KBTBD12: variants seen among roughly 807,000 people sequenced by gnomAD.
The protein encoded by KBTBD12 is kelch repeat and BTB domain-containing protein 12.
KBTBD12 carries 53 observed loss-of-function variants against 58.7 expected under a neutral mutation model. The observed-to-expected ratio is 0.90, with a 90% CI of 0.72 to 1.14. The LOEUF is 1.14. Ranked by LOEUF, KBTBD12 falls within the 50% of genes most tolerant of loss-of-function variation. The probability of loss-of-function intolerance (pLI) is 0.00; values close to 1 mark genes in which losing one functional copy is unlikely to be tolerated. For missense variants in KBTBD12, 704 were observed against 751.3 expected (o/e 0.94, Z 0.74); for synonymous variants, 236 against 259.8 (o/e 0.91, Z 0.88).
At chr3:127,938,900 A>T (rs1057480049) in intron 4 of KBTBD12, among the ~76,000 whole-genome samples, 1 of 152,204 alleles carries the variant, frequency 6.6e-6, no homozygotes, top group African/African-American at 2.4e-5. Context: ...AGAAGTAGGT[A>T]CATCAAGAAA....
intron 5 of KBTBD12, among the ~76,000 whole-genome samples, chr3:127,967,786 G>C (rs1246452787): frequency 6.6e-6 from 1 of 152,234 alleles, no homozygotes; most frequent in Non-Finnish European, 1.5e-5. Flanking sequence ...AATAACAAGA[G>C]AGTATTAAGA....
intron 1 of KBTBD12, among the ~76,000 whole-genome samples, chr3:127,916,424 A>T (rs1010499637): frequency 1.3e-5 from 2 of 152,208 alleles, no homozygotes; most frequent in African/African-American, 4.8e-5. Flanking sequence ...ACTGGGGGTC[A>T]CAAACTTAAA....
intron 5 of KBTBD12, among the ~76,000 whole-genome samples, chr3:127,980,519 G>A (rs1197073812): frequency 2.0e-5 from 3 of 151,964 alleles, no homozygotes; most frequent in South Asian, 2.1e-4. Flanking sequence ...CAGTAGAGAC[G>A]GGATTTCACC....
chr3:127,921,854 C>T (rs527238436), intron 1 of KBTBD12, among the ~76,000 whole-genome samples: 130 of 152,212 alleles, frequency 8.5e-4, no homozygotes, highest in Middle Eastern at 3.4e-3. Flanking sequence ...AAAACAGGAC[C>T]ATTTCACTTC....
At chr3:127,953,032 T>A (rs146685145) in intron 4 of KBTBD12, among the ~76,000 whole-genome samples, 71 of 152,344 alleles carry the variant, frequency 4.7e-4, no homozygotes, top group Non-Finnish European at 7.5e-4. Context: ...CTAAATCTGT[T>A]TTCTTTATTC....
In KBTBD12 at chr3:127,984,151, A is replaced by G; in HGVS notation, c.1745A>G (p.Gln582Arg). The G allele has an allele frequency of 1.2e-6, 2 of 1,613,922 alleles. No individual in the cohort carries two copies. The highest frequency in any genetic ancestry group is 1.7e-6 in the Non-Finnish European group (2 of 1,179,830). The change falls in exon 6 of 6, where the codon CAG (glutamine) becomes CGG (arginine). Residue 582 changes from glutamine (Q) to arginine (R), a missense_variant. Coordinates refer to ENST00000405109, the MANE Select transcript of KBTBD12 (RefSeq NM_207335.4). ...TTGGAACTGGACCCATGGGAAAACC[A>G]GTGGAATGTTGTAGCCATCAACGTC... ...EILELDPWEN[Q>R]WNVVAINVLM... is the part of the protein sequence containing the mutation.
chr3:127,920,219 ATACT>A (rs1939364446), intron 1 of KBTBD12, among the ~76,000 whole-genome samples: 1 of 152,222 alleles, frequency 6.6e-6, no homozygotes, highest in African/African-American at 2.4e-5. Flanking sequence ...CCAAATGCTC[ATACT>A]TACTTTGTTG....
Position 127,928,049 on chromosome 3 carries a change from T to C in KBTBD12, c.1341+15T>C, listed in dbSNP as rs774250576. The C allele has an allele frequency of 9.3e-6, 15 of 1,607,926 alleles. No homozygotes were observed. Among genetic ancestry groups the C allele is most frequent in the South Asian group, 5.5e-5 (5 of 90,918 alleles). On this transcript the variant is annotated intron_variant, in intron 3 of 5. Transcript: ENST00000405109. ...GGACCCCTCAGGTTAAGAAATTTCCTGTATACATAATTGGCATGGCTATAC... is the reference window on the plus strand; with the variant it reads ...GGACCCCTCAGGTTAAGAAATTTCCCGTATACATAATTGGCATGGCTATAC...
At chr3:127,929,275 C>T (rs1186480915) in intron 3 of KBTBD12, among the ~76,000 whole-genome samples, 5 of 152,098 alleles carry the variant, frequency 3.3e-5, no homozygotes, top group African/African-American at 9.7e-5. Context: ...CAGGGTTGTG[C>T]GTGTGCCATG....
At chr3:127,951,004 G>A (rs558483789) in intron 4 of KBTBD12, among the ~76,000 whole-genome samples, 22 of 152,150 alleles carry the variant, frequency 1.4e-4, no homozygotes, top group African/African-American at 5.3e-4. Flanking sequence ...CTCTAACCTG[G>A]GCAACGAGCA....
intron 5 of KBTBD12, among the ~76,000 whole-genome samples, chr3:127,981,306 T>TA (rs1940868016): frequency 6.6e-6 from 1 of 152,246 alleles, no homozygotes; most frequent in Non-Finnish European, 1.5e-5. Context: ...CTGGACCTGT[T>TA]ACCTTTTCTA....
At chr3:127,960,212 C>CT (rs1940407580) in intron 4 of KBTBD12, among the ~76,000 whole-genome samples, 1 of 152,146 alleles carries the variant, frequency 6.6e-6, no homozygotes, top group Admixed American at 6.5e-5. Context: ...AGGAGAGGTT[C>CT]ACTCCTGCAC....
At position 127,963,252 on chromosome 3, in the gene KBTBD12, T is replaced by A; in HGVS notation, c.1556T>A (p.Ile519Asn). ...QVRKCLDVVE[I>N]YNPDGDFWRE... Reference sequence around the variant, plus strand: ...CGAAAATGCCTTGACGTGGTGGAGATCTACAACCCAGATGGGGACTTTTGG... The same window carrying A: ...CGAAAATGCCTTGACGTGGTGGAGAACTACAACCCAGATGGGGACTTTTGG... Residue 519 changes from isoleucine (I) to asparagine (N), a missense_variant, in exon 5 of 6, where the codon ATC becomes AAC. Transcript: ENST00000405109. 6.2e-7 allele frequency: 1 copy of A among 1,612,824 alleles called. No homozygotes were observed. Among genetic ancestry groups the A allele is most frequent in the Non-Finnish European group, 8.5e-7 (1 of 1,179,552 alleles).
At position 127,984,498 on chromosome 3, in the gene KBTBD12, G is replaced by A; in HGVS notation, c.*220G>A. 1 of 451,730 alleles carries A rather than the reference G, an allele frequency of 2.2e-6. No individual in the cohort carries two copies. Among genetic ancestry groups the A allele is most frequent in the Non-Finnish European group, 4.0e-6 (1 of 250,608 alleles). 28.0% of individuals were successfully genotyped at this position (451,730 alleles called of 1,614,324 possible). On this transcript the variant is annotated 3_prime_UTR_variant, in exon 6 of 6. Coordinates refer to ENST00000405109, the MANE Select transcript of KBTBD12 (RefSeq NM_207335.4). ...AAATAAGACACTACAAAGAAGAGGT[G>A]ATGACGGCCACAGGAGGGGCACAGG...
intron 4 of KBTBD12, among the ~76,000 whole-genome samples, chr3:127,938,610 C>G (rs764384787): frequency 5.3e-5 from 8 of 152,082 alleles, no homozygotes; most frequent in Non-Finnish European, 1.0e-4. Flanking sequence ...GCACTAAATG[C>G]TTCAGTTAAA....
intron 1 of KBTBD12, among the ~76,000 whole-genome samples, chr3:127,920,388 C>A (rs1939370343): frequency 6.7e-6 from 1 of 148,402 alleles, no homozygotes; most frequent in African/African-American, 2.5e-5. Flanking sequence ...AGATCTAGTT[C>A]ATTCTTTTTT....
intron 4 of KBTBD12, among the ~76,000 whole-genome samples, chr3:127,954,506 CT>C (rs1342412443): frequency 1.3e-5 from 2 of 152,172 alleles, no homozygotes; most frequent in Non-Finnish European, 2.9e-5. Flanking sequence ...CATTTTAGAT[CT>C]CATACTATTA....
intron 4 of KBTBD12, among the ~76,000 whole-genome samples, chr3:127,952,761 G>A (rs908258351): frequency 3.3e-5 from 5 of 152,210 alleles, no homozygotes; most frequent in African/African-American, 1.2e-4. Context: ...TAAATGAGGA[G>A]TTACTGTAAC....
intron 5 of KBTBD12, among the ~76,000 whole-genome samples, chr3:127,976,285 C>T (rs1015769595): frequency 6.6e-6 from 1 of 152,138 alleles, no homozygotes; most frequent in African/African-American, 2.4e-5. Flanking sequence ...TTTTGTAGCA[C>T]CTTTTCTCTC....
Sources: allele counts gnomAD v4.1 joint callset (sites outside exome capture counted in the v4.1 genomes callset), GRCh38; gene constraint gnomAD v4.1.1; transcripts MANE v1.5; gene names NCBI Gene and HGNC (gene_info 2026-07-23, HGNC 2026-07-21).